Variants in CRISP1 observed in about 807,000 individuals in gnomAD.
The protein encoded by CRISP1 is cysteine-rich secretory protein 1.
In CRISP1, 44 loss-of-function variants were observed where a neutral mutation model predicts 33.1. That is an observed-to-expected ratio of 1.33 (90% confidence interval 1.05 to 1.71). The LOEUF is 1.71. Ranked by LOEUF, CRISP1 falls within the 40% of genes most tolerant of loss-of-function variation. CRISP1 has a pLI of 0.00. For synonymous variants in CRISP1, 103 were observed against 98.7 expected, an observed-to-expected ratio of 1.04 and a Z score of -0.26; for missense variants, 390 against 301.2, an observed-to-expected ratio of 1.29 and a Z score of -2.18.
rs557877874 is a variant in CRISP1, at chr6:49,876,159, T to C, written c.-3+850A>G. ...GTCTATTCATCTGACAAAGGTCTAA[T>C]ATCAAGAGAGTACAAGGAACTTAAA... On this transcript the variant is annotated intron_variant, in intron 1 of 7. Transcript: ENST00000505118. 4.6e-5 allele frequency among the ~76,000 whole-genome samples: 7 copies of C among 152,158 alleles called. No homozygotes were observed. The South Asian group carries it at 1.5e-3, about 32-fold the overall frequency.
At position 49,857,439 on chromosome 6, in the gene CRISP1, A is replaced by C. The variant is rs758590335; in HGVS notation, c.-2-37T>G. 4 of 1,564,586 alleles carry C rather than the reference A, an allele frequency of 2.6e-6. No homozygotes were observed. In the East Asian group the frequency reaches 9.1e-5, roughly 36 times the overall value. On this transcript the variant is annotated intron_variant, in intron 1 of 7. Transcript: ENST00000335847. ...ATAACACAATTTTAGATTATTCTCAATTCATGGGATAACATCTGGTAATAA... is the reference window on the plus strand; with the variant it reads ...ATAACACAATTTTAGATTATTCTCACTTCATGGGATAACATCTGGTAATAA...
At chr6:49,860,163 C>T (rs575684225) in intron 1 of CRISP1, among the ~76,000 whole-genome samples, 54 of 152,168 alleles carry the variant, frequency 3.5e-4, no homozygotes, top group Admixed American at 1.8e-3. Flanking sequence ...AACTCCAATG[C>T]TATAATAGTG....
intron 2 of CRISP1, 22 bp from the exon 3 acceptor site, chr6:49,852,151 T>G: frequency 6.2e-7 from 1 of 1,605,022 alleles, no homozygotes; most frequent in Non-Finnish European, 8.5e-7. Context: ...AAAATATTAA[T>G]TAGTGTTACT....
intron 3 of CRISP1, among the ~76,000 whole-genome samples, chr6:49,850,659 G>A (rs1009622728): frequency 2.0e-4 from 30 of 152,062 alleles, no homozygotes; most frequent in African/African-American, 6.5e-4. Flanking sequence ...CAGTTTTACT[G>A]GTACACTTAC....
chr6:49,852,197 A>G lies in CRISP1; in HGVS notation c.67-68T>C, dbSNP rs997922195. 13 of 1,438,932 alleles carry G rather than the reference A, an allele frequency of 9.0e-6. No homozygotes were observed. The African/African-American group carries it at 1.6e-4, about 17-fold the overall frequency. 89.1% of individuals were successfully genotyped at this position (1,438,932 alleles called of 1,614,324 possible). On this transcript the variant is annotated intron_variant, in intron 2 of 7. Transcript: ENST00000335847. ...GGAATTTGTCACATATATTTTGCAG[A>G]CCTATAGGTAATGCAAATTTATAGT...
intron 3 of CRISP1, 114 bp downstream of exon 3, chr6:49,851,887 A>T: frequency 8.1e-7 from 1 of 1,228,456 alleles, no homozygotes; most frequent in South Asian, 1.6e-5. Context: ...TATGTAAAAG[A>T]TTTGTTGTGA....
intron 5 of CRISP1, among the ~76,000 whole-genome samples, chr6:49,844,913 T>C (rs1771110876): frequency 6.6e-6 from 1 of 152,152 alleles, no homozygotes; most frequent in Admixed American, 6.5e-5. Context: ...TTGAATCTCA[T>C]GCATTTAGAT....
chr6:49,871,144 G>C (rs866456961), upstream of CRISP1, among the ~76,000 whole-genome samples: 10 of 148,460 alleles, frequency 6.7e-5, no homozygotes, highest in East Asian at 2.0e-4. Flanking sequence ...AAAAAACAAA[G>C]AAAGAAAGAA....
chr6:49,860,812 T>A (rs1771626971), intron 1 of CRISP1, among the ~76,000 whole-genome samples: 1 of 151,878 alleles, frequency 6.6e-6, no homozygotes, highest in Admixed American at 6.6e-5. Flanking sequence ...ATACAAAGGA[T>A]AAAAAAATGT....
At chr6:49,868,870 T>G (rs746869524), upstream of CRISP1, among the ~76,000 whole-genome samples, 9 of 152,176 alleles carry the variant, frequency 5.9e-5, no homozygotes, top group Non-Finnish European at 1.2e-4. Context: ...AAATTCAAAC[T>G]TATGTTGCAC....
At chr6:49,848,915 AT>A (rs1353275388) in intron 3 of CRISP1, among the ~76,000 whole-genome samples, 2 of 152,156 alleles carry the variant, frequency 1.3e-5, no homozygotes, top group African/African-American at 2.4e-5. Context: ...CAAAAAAAAA[AT>A]ATTATATCCA....
At chr6:49,865,126 G>A (rs1003473999) in intron 1 of CRISP1, among the ~76,000 whole-genome samples, 1 of 152,038 alleles carries the variant, frequency 6.6e-6, no homozygotes. Context: ...TTAAGACAGA[G>A]TACTAGTAAC....
rs1770719711 is a variant in CRISP1, at chr6:49,834,623, T to C, written c.*693A>G. ...TAATTTCTCATATTATGCTATTTTATATATCTTTTATACTGCCTTTGCAAT... is the reference window on the plus strand; with the variant it reads ...TAATTTCTCATATTATGCTATTTTACATATCTTTTATACTGCCTTTGCAAT... On this transcript the variant is annotated 3_prime_UTR_variant, in exon 8 of 8. Coordinates refer to ENST00000335847, the MANE Select transcript of CRISP1 (RefSeq NM_001131.3). The C allele has an allele frequency of 6.6e-6, 1 of 152,200 alleles. No individual in the cohort carries two copies. Among genetic ancestry groups the C allele is most frequent in the Non-Finnish European group, 1.5e-5 (1 of 68,026 alleles). The allele number at this position is 152,200 out of a possible 1,614,324, so 9.4% of individuals were successfully genotyped here.
chr6:49,852,013 G>A lies in CRISP1; in HGVS notation c.183C>T (p.Asn61=), dbSNP rs1443427382. ...TTTTTGATCTTACCATCTTCAGCAT[G>A]TTGCTGGCTGGTGGAACTACTCTTC... ...LRRRVVPPAS[N]MLKMSWSEEA... Residue 61 remains asparagine (N), a synonymous_variant, in exon 3 of 8, where the codon AAC becomes AAT. Coordinates refer to ENST00000335847, the MANE Select transcript of CRISP1 (RefSeq NM_001131.3). The A allele has an allele frequency of 1.9e-6, 3 of 1,608,628 alleles. No homozygotes were observed. Among genetic ancestry groups the A allele is most frequent in the African/African-American group, 1.3e-5 (1 of 74,570 alleles).
At chr6:49,845,729 T>C (rs576187725) in intron 5 of CRISP1, among the ~76,000 whole-genome samples, 31 of 134,842 alleles carry the variant, frequency 2.3e-4, no homozygotes, top group Non-Finnish European at 5.0e-4. Context: ...TGGAAACAAC[T>C]CAAATGCCCA....
At chr6:49,842,987 G>A (rs1771043344) in intron 5 of CRISP1, among the ~76,000 whole-genome samples, 4 of 152,124 alleles carry the variant, frequency 2.6e-5, no homozygotes, top group African/African-American at 4.8e-5. Context: ...GATAAAACGT[G>A]TTCTATTTTG....
intron 5 of CRISP1, among the ~76,000 whole-genome samples, chr6:49,844,378 A>G (rs547961815): frequency 2.0e-5 from 3 of 152,320 alleles, no homozygotes; most frequent in Admixed American, 1.3e-4. Context: ...CACTTCAAAC[A>G]TGCTTTATCT....
chr6:49,842,756 G>T (rs986868485), intron 5 of CRISP1, among the ~76,000 whole-genome samples: 2 of 152,070 alleles, frequency 1.3e-5, no homozygotes, highest in Non-Finnish European at 2.9e-5. Flanking sequence ...TCTCTCAAGT[G>T]CATATGAAAG....
In CRISP1 at chr6:49,835,398, T is replaced by C. The variant is rs1246007214; in HGVS notation, c.668A>G (p.Gln223Arg). 29 of 1,613,708 alleles carry C rather than the reference T, an allele frequency of 1.8e-5. No homozygotes were observed. Among genetic ancestry groups the C allele is most frequent in the Non-Finnish European group, 2.3e-5 (27 of 1,179,652 alleles). The change falls in exon 8 of 8, where the codon CAA (glutamine) becomes CGA (arginine). Residue 223 changes from glutamine (Q) to arginine (R), a missense_variant. Physicochemically the swap from Gln to Arg is conservative, Grantham distance 43. Coordinates refer to ENST00000335847, the MANE Select transcript of CRISP1 (RefSeq NM_001131.3). Reference protein sequence around the residue: ...YYDEYFDCDIQVHYLGCNHST... With the variant: ...YYDEYFDCDIRVHYLGCNHST... ...GTGGTTGCATCCCAGATAATGGACT[T>C]GTATGTCACAGTCGAAGTATTCATC... is the stretch of plus-strand genomic sequence containing the variant.
Sources: gnomAD v4.1 joint callset for allele counts (sites outside exome capture counted in the v4.1 genomes callset) on GRCh38, gnomAD v4.1.1 for gene constraint, MANE v1.5 for transcripts, NCBI Gene and HGNC (gene_info 2026-07-23, HGNC 2026-07-21) for gene names.